The following TIMP3 variants were observed in gnomAD, a reference collection of about 807,000 sequenced individuals.
The protein encoded by TIMP3 is TIMP metallopeptidase inhibitor 3, also known as metalloproteinase inhibitor 3.
In TIMP3, 11 loss-of-function variants were observed where a neutral mutation model predicts 30.0. That is an observed-to-expected ratio of 0.37 (90% confidence interval 0.23 to 0.61). TIMP3 has a LOEUF of 0.61. Among genes scored for constraint, TIMP3 ranks in the 20% least tolerant of loss-of-function variants. TIMP3 has a pLI of 0.70. For missense variants in TIMP3, 181 were observed against 276.8 expected (o/e 0.65, Z 2.45); for synonymous variants, 112 against 111.3 (o/e 1.01, Z -0.04).
intron 2 of TIMP3, among the ~76,000 whole-genome samples, chr22:32,852,066 T>C (rs2048232961): frequency 6.6e-6 from 1 of 152,244 alleles, no homozygotes; most frequent in Admixed American, 6.5e-5. Context: ...GAGCAATTGC[T>C]TAGTGCCAGG....
At chr22:32,820,853 A>G (rs192379871) in intron 1 of TIMP3, among the ~76,000 whole-genome samples, 1 of 152,358 alleles carries the variant, frequency 6.6e-6, no homozygotes, top group East Asian at 1.9e-4. Context: ...ATTAGAAGTG[A>G]TGTATGAATG....
At chr22:32,805,200 C>T (rs2046695535) in intron 1 of TIMP3, among the ~76,000 whole-genome samples, 1 of 152,152 alleles carries the variant, frequency 6.6e-6, no homozygotes, top group South Asian at 2.1e-4. Context: ...TCGGGGCCTG[C>T]CTCTGAGCCT....
At chr22:32,810,541 G>A (rs2145983840) in intron 1 of TIMP3, among the ~76,000 whole-genome samples, 1 of 151,992 alleles carries the variant, frequency 6.6e-6, no homozygotes. Flanking sequence ...TGGGTACTGG[G>A]GAGTGGAGAG....
At chr22:32,830,600 G>A (rs2047543526) in intron 1 of TIMP3, among the ~76,000 whole-genome samples, 1 of 152,156 alleles carries the variant, frequency 6.6e-6, no homozygotes, top group Admixed American at 6.5e-5. Context: ...AGGCAGCTGG[G>A]AATAGATATG....
intron 1 of TIMP3, among the ~76,000 whole-genome samples, chr22:32,813,897 A>G (rs1455162457): frequency 6.6e-6 from 1 of 152,166 alleles, no homozygotes; most frequent in East Asian, 1.9e-4. Context: ...ATGGAAATAA[A>G]AGGCCTGGCT....
At chr22:32,828,807 G>C (rs1333228070) in intron 1 of TIMP3, among the ~76,000 whole-genome samples, 1 of 152,192 alleles carries the variant, frequency 6.6e-6, no homozygotes, top group Non-Finnish European at 1.5e-5. Context: ...CCCAGATTCA[G>C]TGCTGGAGCC....
chr22:32,807,542 AAC>A (rs1236424393), intron 1 of TIMP3, among the ~76,000 whole-genome samples: 1 of 148,382 alleles, frequency 6.7e-6, no homozygotes, highest in Admixed American at 6.8e-5. Flanking sequence ...AACTTACATT[AAC>A]TCATTTAATT....
intron 1 of TIMP3, among the ~76,000 whole-genome samples, chr22:32,832,357 G>A (rs2047598348): frequency 1.3e-5 from 2 of 152,100 alleles, no homozygotes; most frequent in Non-Finnish European, 2.9e-5. Flanking sequence ...GGTTAATTGG[G>A]ACACTAGAAT....
rs535839732 is a variant in TIMP3, at chr22:32,814,876, A to C, written c.121+12754A>C. Among the ~76,000 whole-genome samples, 18 of 152,342 alleles carry C rather than the reference A, an allele frequency of 1.2e-4. No homozygotes were observed. The East Asian group carries it at 3.3e-3, about 28-fold the overall frequency. The stretch of plus-strand genomic sequence containing the variant: ...CATGTATGCAATTTTGAATTTTCCC[A>C]TAGTCATGTTTAAAAAAACGAGGAA... On this transcript the variant is annotated intron_variant, in intron 1 of 4. Coordinates refer to ENST00000266085, the MANE Select transcript of TIMP3 (RefSeq NM_000362.5).
chr22:32,810,202 A>T (rs1459777221), intron 1 of TIMP3, among the ~76,000 whole-genome samples: 1 of 152,198 alleles, frequency 6.6e-6, no homozygotes, highest in Non-Finnish European at 1.5e-5. Context: ...CTGTTAAAAA[A>T]TTAGTGTTTG....
At chr22:32,821,045 T>C (rs980567653) in intron 1 of TIMP3, among the ~76,000 whole-genome samples, 9 of 152,006 alleles carry the variant, frequency 5.9e-5, no homozygotes. Context: ...CACTAGAGAA[T>C]TTATATTTTT....
chr22:32,815,927 A>G (rs1203083839), intron 1 of TIMP3, among the ~76,000 whole-genome samples: 1 of 152,166 alleles, frequency 6.6e-6, no homozygotes, highest in Non-Finnish European at 1.5e-5. Flanking sequence ...GCCCCACTAG[A>G]CAGCCTGGAT....
chr22:32,831,723 C>T (rs2047579999), intron 1 of TIMP3, among the ~76,000 whole-genome samples: 1 of 152,184 alleles, frequency 6.6e-6, no homozygotes, highest in Non-Finnish European at 1.5e-5. Flanking sequence ...CCCCTCCCTT[C>T]CTGGCATTAA....
chr22:32,837,499 A>G lies in TIMP3; in HGVS notation c.122-11953A>G, dbSNP rs1327413744. Among the ~76,000 whole-genome samples the G allele has an allele frequency of 6.6e-6, 1 of 152,196 alleles. No individual in the cohort carries two copies. Among genetic ancestry groups the G allele is most frequent in the Admixed American group, 6.5e-5 (1 of 15,278 alleles). ...AAACACCCAGGGCGAAACCACTCCA[A>G]GAGGTGAAAGGGCTTGAGGGGAGAC... On this transcript the variant is annotated intron_variant, in intron 1 of 4. Transcript: ENST00000266085. This position sits in a 1 kb window ranked among gnomAD's most constrained non-coding sequence, Gnocchi z 4.1.
rs1040037196 is a variant in TIMP3 at position 32,837,379 on chromosome 22, C to T, written c.122-12073C>T. Reference sequence around the variant, plus strand: ...ACTTGCATGGCAGTAAGCAAGTCGGCGCCTCTGACCCCTGAGTGGGCTTGA... The same window carrying T: ...ACTTGCATGGCAGTAAGCAAGTCGGTGCCTCTGACCCCTGAGTGGGCTTGA... On this transcript the variant is annotated intron_variant, in intron 1 of 4. Coordinates refer to ENST00000266085, the MANE Select transcript of TIMP3 (RefSeq NM_000362.5). The surrounding 1 kb of genome is among the most constrained non-coding windows in gnomAD (Gnocchi z 4.1). Among the ~76,000 whole-genome samples, 87 of 146,792 alleles carry T rather than the reference C, an allele frequency of 5.9e-4. No individual in the cohort carries two copies. Among genetic ancestry groups the T allele is most frequent in the African/African-American group, 2.1e-3 (81 of 37,852 alleles).
At chr22:32,827,584 T>C (rs892383962) in intron 1 of TIMP3, among the ~76,000 whole-genome samples, 5 of 135,224 alleles carry the variant, frequency 3.7e-5, no homozygotes, top group African/African-American at 1.4e-4. Context: ...GTTATGACTA[T>C]CATGAACTCC....
rs182154261 is a variant in TIMP3, at chr22:32,845,381, G to C, written c.122-4071G>C. 5.5e-3 allele frequency among the ~76,000 whole-genome samples: 844 copies of C among 152,078 alleles called. 5 individuals are homozygous for C. Among genetic ancestry groups the C allele is most frequent in the South Asian group, 0.021 (102 of 4,804 alleles). On this transcript the variant is annotated intron_variant, in intron 1 of 4. Coordinates refer to ENST00000266085, the MANE Select transcript of TIMP3 (RefSeq NM_000362.5). The stretch of plus-strand genomic sequence containing the variant: ...CTAATTTTTGTATTTTAGTAGAGAT[G>C]GGGTTTCACCATGCTGGCCAGGATG...
chr22:32,835,353 TG>T (rs1008860799), intron 1 of TIMP3, among the ~76,000 whole-genome samples: 7 of 152,112 alleles, frequency 4.6e-5, no homozygotes, highest in Admixed American at 3.3e-4. Context: ...AGTGAGTGTA[TG>T]GGGGCAGGGA....
intron 1 of TIMP3, among the ~76,000 whole-genome samples, chr22:32,805,621 C>T: frequency 7.0e-6 from 1 of 143,644 alleles, no homozygotes; most frequent in African/African-American, 2.6e-5. Context: ...TCTCTTTCAC[C>T]CCCTCCCCCG....
Sources: allele counts gnomAD v4.1 joint callset (sites outside exome capture counted in the v4.1 genomes callset), GRCh38; gene constraint gnomAD v4.1.1; non-coding constraint Gnocchi (gnomAD v3.1); transcripts MANE v1.5; gene names NCBI Gene and HGNC (gene_info 2026-07-23, HGNC 2026-07-21).